The following MMP26 variants were observed in gnomAD, a reference collection of about 807,000 sequenced individuals.
The protein encoded by MMP26 is matrix metalloproteinase-26.
MMP26 carries 33 observed loss-of-function variants against 31.0 expected under a neutral mutation model. The ratio of observed to expected loss-of-function variants is 1.06; its 90% CI spans 0.81 to 1.42. The LOEUF (loss-of-function observed/expected upper bound fraction) is 1.42, where lower values mean the gene tolerates loss of function less well. Ranked by LOEUF, MMP26 falls within the 40% of genes most tolerant of loss-of-function variation. The pLI is 0.00. For synonymous variants in MMP26, 122 were observed against 114.9 expected (o/e 1.06, Z -0.40); for missense variants, 347 against 316.1 (o/e 1.10, Z -0.74).
At chr11:4,800,030 C>A (rs914136351) in intron 2 of MMP26, among the ~76,000 whole-genome samples, 6 of 152,150 alleles carry the variant, frequency 3.9e-5, no homozygotes, top group Non-Finnish European at 5.9e-5. Context: ...GTGGCTTTTC[C>A]AGGCTCAGGA....
At chr11:4,740,681 CAAA>C (rs761691284) in intron 1 of MMP26, among the ~76,000 whole-genome samples, 20 of 90,434 alleles carry the variant, frequency 2.2e-4, no homozygotes, top group African/African-American at 4.0e-4. Context: ...GAGACTCTGT[CAAA>C]AAAAAAAAAA....
chr11:4,885,373 C>A (rs1053125324), intron 2 of MMP26, among the ~76,000 whole-genome samples: 2 of 152,126 alleles, frequency 1.3e-5, no homozygotes, highest in South Asian at 4.1e-4. Flanking sequence ...GCCTCATATG[C>A]CACAGTAGTC....
chr11:4,792,125 T>C (rs977777773), intron 2 of MMP26, among the ~76,000 whole-genome samples: 2 of 151,206 alleles, frequency 1.3e-5, no homozygotes, highest in Non-Finnish European at 2.9e-5. Context: ...GAGGGTTTAA[T>C]AAGTTAGTAT....
chr11:4,882,915 T>A (rs1356366297), intron 2 of MMP26: 1 of 1,565,654 alleles, frequency 6.4e-7, no homozygotes. Flanking sequence ...CGAATTATGC[T>A]TTGGAAAGAA....
At chr11:4,749,709 T>G (rs887802286) in intron 1 of MMP26, among the ~76,000 whole-genome samples, 2 of 152,104 alleles carry the variant, frequency 1.3e-5, no homozygotes, top group Non-Finnish European at 2.9e-5. Flanking sequence ...TAAATGGTGC[T>G]GGGAAAATTG....
chr11:4,797,832 C>A (rs1849127826), intron 2 of MMP26, among the ~76,000 whole-genome samples: 1 of 152,182 alleles, frequency 6.6e-6, no homozygotes, highest in Non-Finnish European at 1.5e-5. Context: ...AGACTTCTAG[C>A]TGATTTCTTA....
chr11:4,748,695 T>A (rs115478757), intron 1 of MMP26, among the ~76,000 whole-genome samples: 6,643 of 149,560 alleles, frequency 0.044, 457 homozygotes, highest in African/African-American at 0.16. Context: ...TTAAAAAAAA[T>A]ATGATCACGG....
At chr11:4,891,730 A>C (rs370374787) in intron 2 of MMP26, among the ~76,000 whole-genome samples, 1 of 152,188 alleles carries the variant, frequency 6.6e-6, no homozygotes, top group African/African-American at 2.4e-5. Flanking sequence ...GGTGCTCTCC[A>C]TCTTTGAGGA....
chr11:4,909,074 GAT>G (rs1850951095), intron 2 of MMP26: 1 of 151,940 alleles, frequency 6.6e-6, no homozygotes, highest in Admixed American at 6.6e-5. Context: ...GTGACTAAAA[GAT>G]AATTTTAAAC....
intron 2 of MMP26, among the ~76,000 whole-genome samples, chr11:4,928,900 C>T (rs1159355352): frequency 6.6e-6 from 1 of 152,086 alleles, no homozygotes; most frequent in Non-Finnish European, 1.5e-5. Flanking sequence ...GCAGGGCCCT[C>T]ACTGATACAA....
intron 2 of MMP26, among the ~76,000 whole-genome samples, chr11:4,917,305 G>A (rs1212430423): frequency 6.6e-6 from 1 of 152,078 alleles, no homozygotes; most frequent in Non-Finnish European, 1.5e-5. Context: ...ACATTTCTAA[G>A]ATCAGACAAA....
chr11:4,775,901 A>G (rs562969366), intron 2 of MMP26, among the ~76,000 whole-genome samples: 89 of 152,220 alleles, frequency 5.8e-4, no homozygotes, highest in African/African-American at 2.0e-3. Context: ...TATGTGAATA[A>G]TGTACATTAT....
At chr11:4,758,915 C>T (rs1181902220) in intron 1 of MMP26, among the ~76,000 whole-genome samples, 1 of 151,574 alleles carries the variant, frequency 6.6e-6, no homozygotes, top group African/African-American at 2.4e-5. Flanking sequence ...AGTTCGAGAC[C>T]AGCCTGACCA....
At chr11:4,966,641 G>A (rs1385501592) in intron 2 of MMP26, among the ~76,000 whole-genome samples, 1 of 151,994 alleles carries the variant, frequency 6.6e-6, no homozygotes, top group Non-Finnish European at 1.5e-5. Flanking sequence ...AAGGAAATAA[G>A]AGAGATTCTT....
chr11:4,768,468 A>C (rs886565321), intron 2 of MMP26, among the ~76,000 whole-genome samples: 7 of 152,220 alleles, frequency 4.6e-5, no homozygotes, highest in African/African-American at 1.7e-4. Flanking sequence ...ATCTTAAAAC[A>C]TTTCTGCTAC....
chr11:4,705,263 C>T (rs1847759856), intron 1 of MMP26, among the ~76,000 whole-genome samples: 2 of 151,876 alleles, frequency 1.3e-5, no homozygotes, highest in African/African-American at 4.8e-5. Context: ...TTTGTTCATG[C>T]CACAGTAAAA....
chr11:4,964,245 T>A (rs1166922423), intron 2 of MMP26, among the ~76,000 whole-genome samples: 1 of 152,142 alleles, frequency 6.6e-6, no homozygotes, highest in African/African-American at 2.4e-5. Context: ...TAATTTTGAG[T>A]TTTACAGGTA....
chr11:4,791,026 T>C (rs911752823), intron 2 of MMP26, among the ~76,000 whole-genome samples: 1 of 152,290 alleles, frequency 6.6e-6, no homozygotes, highest in South Asian at 2.1e-4. Context: ...TATTCCAACA[T>C]CCTGCTTGTT....
intron 2 of MMP26, among the ~76,000 whole-genome samples, chr11:4,926,422 A>G (rs560547189): frequency 6.6e-6 from 1 of 152,286 alleles, no homozygotes; most frequent in Non-Finnish European, 1.5e-5. Context: ...ATGGCAACAT[A>G]TTTTAATAAG....
Sources: allele counts gnomAD v4.1 joint callset (sites outside exome capture counted in the v4.1 genomes callset), GRCh38; gene constraint gnomAD v4.1.1; transcripts MANE v1.5; gene names NCBI Gene and HGNC (gene_info 2026-07-23, HGNC 2026-07-21).